CACNA1C: variants seen among roughly 807,000 people sequenced by gnomAD.
CACNA1C encodes the protein voltage-dependent L-type calcium channel subunit alpha-1C.
CACNA1C carries 30 observed loss-of-function variants against 229.0 expected under a neutral mutation model. The observed-to-expected ratio is 0.13, with a 90% CI of 0.10 to 0.18. CACNA1C has a LOEUF of 0.18. CACNA1C is among the 10% of genes least tolerant of loss of function. The pLI is 1.00. For missense variants in CACNA1C, 1,658 were observed against 2,845.0 expected (o/e 0.58, Z 9.49); for synonymous variants, 1,114 against 1,132.5 (o/e 0.98, Z 0.33).
rs940251814 is a variant in CACNA1C, at chr12:2,152,010, G to T, written c.477+31580G>T. Reference sequence around the variant, plus strand: ...CCTATCTGGGCAGATTTTAAACCCTGGCGTTTTTAGTGCCTTGACTAGTGT... The same window carrying T: ...CCTATCTGGGCAGATTTTAAACCCTTGCGTTTTTAGTGCCTTGACTAGTGT... On this transcript the variant is annotated intron_variant, in intron 3 of 46. Coordinates refer to ENST00000399655, the MANE Select transcript of CACNA1C (RefSeq NM_000719.7). The surrounding 1 kb of genome is among the most constrained non-coding windows in gnomAD (Gnocchi z 4.2). Among the ~76,000 whole-genome samples, 9 of 152,182 alleles carry T rather than the reference G, an allele frequency of 5.9e-5. No individual in the cohort carries two copies. Among genetic ancestry groups the T allele is most frequent in the African/African-American group, 2.2e-4 (9 of 41,448 alleles).
At chr12:2,452,668 A>G (rs1208064413) in intron 4 of CACNA1C, among the ~76,000 whole-genome samples, 1 of 152,098 alleles carries the variant, frequency 6.6e-6, no homozygotes, top group East Asian at 1.9e-4. Context: ...CCATGTTTGA[A>G]TTTTCTACCC....
At chr12:2,457,936 C>A (rs556192855) in intron 5 of CACNA1C, among the ~76,000 whole-genome samples, 1 of 152,226 alleles carries the variant, frequency 6.6e-6, no homozygotes, top group African/African-American at 2.4e-5. Flanking sequence ...AAGTTCACAG[C>A]AGTCACTCAG....
At chr12:2,170,483 C>A (rs1278850146) in intron 3 of CACNA1C, among the ~76,000 whole-genome samples, 4 of 152,214 alleles carry the variant, frequency 2.6e-5, no homozygotes, top group African/African-American at 9.7e-5. Context: ...AAGACTGGGT[C>A]TTGGCCCAGG....
intron 3 of CACNA1C, among the ~76,000 whole-genome samples, chr12:2,335,634 CAG>C (rs2096668894): frequency 6.6e-6 from 1 of 152,230 alleles, no homozygotes; most frequent in South Asian, 2.1e-4. Context: ...AGGTGCAGGA[CAG>C]GGCAAGCATC....
At chr12:1,980,715 C>G (rs938193292) in intron 1 of CACNA1C, among the ~76,000 whole-genome samples, 4 of 112,600 alleles carry the variant, frequency 3.6e-5, no homozygotes, top group African/African-American at 1.3e-4. Flanking sequence ...TATTTCGTTG[C>G]TTCTATAAAA....
rs567387993 is a variant in CACNA1C at position 2,493,616 on chromosome 12, A to G, written c.1113+230A>G. 6.6e-6 allele frequency among the ~76,000 whole-genome samples: 1 copy of G among 152,072 alleles called. No individual in the cohort carries two copies. Among genetic ancestry groups the G allele is most frequent in the Non-Finnish European group, 1.5e-5 (1 of 68,002 alleles). ...CACCCGCCAGCCTTAGGGGAAGGTC[A>G]TTTTTCCAGTGCGTCCCACAGTGCA... On this transcript the variant is annotated intron_variant, in intron 7 of 46. Transcript: ENST00000399655. The surrounding 1 kb of genome is among the most constrained non-coding windows in gnomAD (Gnocchi z 4.6).
intron 18 of CACNA1C, 77 bp from the exon 19 acceptor site, chr12:2,593,136 C>G (rs1401753974): frequency 6.7e-7 from 1 of 1,485,388 alleles, no homozygotes; most frequent in African/African-American, 1.4e-5. Context: ...TCATGTCTGC[C>G]AGTAGGAAGG....
intron 3 of CACNA1C, among the ~76,000 whole-genome samples, chr12:2,155,490 A>C (rs1447797639): frequency 6.6e-6 from 1 of 152,110 alleles, no homozygotes; most frequent in Non-Finnish European, 1.5e-5. Context: ...TCATTTTCTC[A>C]CCATTCTTTG....
At chr12:1,979,353 C>T (rs939213312) in intron 1 of CACNA1C, among the ~76,000 whole-genome samples, 2 of 151,814 alleles carry the variant, frequency 1.3e-5, no homozygotes, top group Non-Finnish European at 2.9e-5. Context: ...CTGGCTTCAT[C>T]GCCCAGGCTG....
At chr12:2,141,887 G>A (rs1190610027) in intron 3 of CACNA1C, among the ~76,000 whole-genome samples, 3 of 151,280 alleles carry the variant, frequency 2.0e-5, no homozygotes, top group Non-Finnish European at 4.4e-5. Context: ...CCAGCCCTGT[G>A]TAAGCCATAA....
intron 3 of CACNA1C, among the ~76,000 whole-genome samples, chr12:2,234,689 A>G (rs2066639473): frequency 6.6e-6 from 1 of 151,984 alleles, no homozygotes; most frequent in South Asian, 2.1e-4. Context: ...AATATATGAA[A>G]TCCGGTTTAG....
At chr12:2,640,839 G>A (rs972383812) in intron 30 of CACNA1C, among the ~76,000 whole-genome samples, 21 of 152,230 alleles carry the variant, frequency 1.4e-4, no homozygotes, top group Non-Finnish European at 4.4e-5. Context: ...CTGGAAGGAT[G>A]GAGGAAAAGC....
Position 2,035,030 on chromosome 12 carries a change from G to A in CACNA1C, c.139+63829G>A, listed in dbSNP as rs536951261. 7.2e-5 allele frequency among the ~76,000 whole-genome samples: 11 copies of A among 152,356 alleles called. No individual in the cohort carries two copies. The East Asian group carries it at 1.9e-3, about 27-fold the overall frequency. ...CGGTAAAGGCCGACGCCGGTTCAGA[G>A]CCGCAACCGCGACAGCCCCGTCGTC... On this transcript the variant is annotated intron_variant, in intron 1 of 46. Transcript: ENST00000682462.
At chr12:2,427,256 AGGGACG>A (rs1490937824) in intron 3 of CACNA1C, among the ~76,000 whole-genome samples, 1 of 152,246 alleles carries the variant, frequency 6.6e-6, no homozygotes, top group East Asian at 1.9e-4. Context: ...TGTACATGCC[AGGGACG>A]GGGATGGGGA....
chr12:1,977,794 C>G (rs1297316939), intron 1 of CACNA1C, among the ~76,000 whole-genome samples: 1 of 152,058 alleles, frequency 6.6e-6, no homozygotes, highest in East Asian at 1.9e-4. Flanking sequence ...TATGACTCAT[C>G]ATTGTTCTCT....
chr12:2,579,558 T>G (rs1057301802), intron 13 of CACNA1C, among the ~76,000 whole-genome samples: 1 of 137,934 alleles, frequency 7.2e-6, no homozygotes, highest in African/African-American at 3.5e-5. Flanking sequence ...CCCCTACTGG[T>G]ATTGTTGTTG....
rs368711238 is a variant in CACNA1C, at chr12:2,230,070, G to T, written c.477+109640G>T. Among the ~76,000 whole-genome samples, 22 of 152,322 alleles carry T rather than the reference G, an allele frequency of 1.4e-4. No homozygotes were observed. In the South Asian group the frequency reaches 1.7e-3, roughly 11 times the overall value. On this transcript the variant is annotated intron_variant, in intron 3 of 46. Transcript: ENST00000399655. Reference sequence around the variant, plus strand: ...GCAGCGATTCCCTCAGGTTAGAGGCGGAAGGGGAAGAAGGGGCCTGGAGAG... The same window carrying T: ...GCAGCGATTCCCTCAGGTTAGAGGCTGAAGGGGAAGAAGGGGCCTGGAGAG...
chr12:2,329,846 C>T (rs1395017200), intron 3 of CACNA1C, among the ~76,000 whole-genome samples: 2 of 152,302 alleles, frequency 1.3e-5, no homozygotes, highest in East Asian at 3.9e-4. Context: ...AGGAAAGGGC[C>T]GTGCTGCAGA....
At chr12:2,506,508 A>G (rs1341603784) in intron 8 of CACNA1C, among the ~76,000 whole-genome samples, 1 of 152,244 alleles carries the variant, frequency 6.6e-6, no homozygotes, top group East Asian at 1.9e-4. Context: ...TTTTCAGAAT[A>G]CTTAACACAG....
Sources: allele counts gnomAD v4.1 joint callset (sites outside exome capture counted in the v4.1 genomes callset), GRCh38; gene constraint gnomAD v4.1.1; non-coding constraint Gnocchi (gnomAD v3.1); transcripts MANE v1.5; gene names NCBI Gene and HGNC (gene_info 2026-07-23, HGNC 2026-07-21).